Variants in STK32A observed in about 807,000 individuals in gnomAD.
STK32A encodes the protein serine/threonine-protein kinase 32A.
A neutral mutation model predicts 53.2 loss-of-function variants in STK32A; 41 were observed. The observed-to-expected ratio is 0.77, with a 90% confidence interval of 0.60 to 1.00. STK32A has a LOEUF of 1.00. Among genes scored for constraint, STK32A ranks in the 50% least tolerant of loss-of-function variants. The pLI is 0.00. For synonymous variants in STK32A, 166 were observed against 162.8 expected, an observed-to-expected ratio of 1.02 and a Z score of -0.15; for missense variants, 458 against 485.8, an observed-to-expected ratio of 0.94 and a Z score of 0.54.
intron 4 of STK32A, among the ~76,000 whole-genome samples, chr5:147,286,500 G>T (rs11167985): frequency 0.56 from 85,145 of 151,924 alleles, 24,155 homozygotes; most frequent in East Asian, 0.66. Context: ...GTTCTTATCA[G>T]TCCCAGTTTA....
At position 147,239,633 on chromosome 5, in the gene STK32A, C is replaced by T. The variant is rs750357099; in HGVS notation, c.-2C>T. The T allele has an allele frequency of 1.9e-6, 3 of 1,606,378 alleles. No homozygotes were observed. Among genetic ancestry groups the T allele is most frequent in the Non-Finnish European group, 2.6e-6 (3 of 1,176,032 alleles). Reference sequence around the variant, plus strand: ...AGGATCCAGGTCTGGGCAGATTCAACCATGGGAGCGAACACTTCAAGAAAA... The same window carrying T: ...AGGATCCAGGTCTGGGCAGATTCAATCATGGGAGCGAACACTTCAAGAAAA... On this transcript the variant is annotated 5_prime_UTR_variant, in exon 2 of 13. Transcript: ENST00000397936.
intron 4 of STK32A, among the ~76,000 whole-genome samples, chr5:147,314,602 G>C (rs1354039190): frequency 6.7e-6 from 1 of 148,674 alleles, no homozygotes; most frequent in African/African-American, 2.5e-5. Context: ...AATGGATAAA[G>C]AATCTGAGTA....
At chr5:147,338,848 A>G (rs1048108693) in intron 5 of STK32A, among the ~76,000 whole-genome samples, 2 of 152,256 alleles carry the variant, frequency 1.3e-5, no homozygotes, top group African/African-American at 4.8e-5. Context: ...ACAGCAAAGC[A>G]TTCAAGAGGT....
chr5:147,377,239 AT>A (rs1338710834), intron 11 of STK32A, among the ~76,000 whole-genome samples: 3 of 151,558 alleles, frequency 2.0e-5, no homozygotes, highest in African/African-American at 4.9e-5. Flanking sequence ...ATTTTTGTGA[AT>A]TTTCCAGTTT....
At chr5:147,366,841 A>T (rs1360826442) in intron 8 of STK32A, among the ~76,000 whole-genome samples, 1 of 150,202 alleles carries the variant, frequency 6.7e-6, no homozygotes, top group African/African-American at 2.4e-5. Flanking sequence ...GTGTTGTTTT[A>T]GCAAAAATAG....
At chr5:147,306,388 C>T (rs1397560225) in intron 4 of STK32A, among the ~76,000 whole-genome samples, 2 of 151,744 alleles carry the variant, frequency 1.3e-5, no homozygotes, top group African/African-American at 2.4e-5. Context: ...TTAGCACATA[C>T]CAAGTCAGGT....
chr5:147,236,191 C>T (rs1032407516), intron 1 of STK32A, among the ~76,000 whole-genome samples: 3 of 152,066 alleles, frequency 2.0e-5, no homozygotes, highest in Admixed American at 2.0e-4. Flanking sequence ...AAATTACAGG[C>T]CAAAGATGAA....
intron 4 of STK32A, among the ~76,000 whole-genome samples, chr5:147,280,972 CG>C (rs1004707545): frequency 2.0e-5 from 3 of 152,156 alleles, no homozygotes; most frequent in African/African-American, 7.2e-5. Flanking sequence ...TCTGTGCAGA[CG>C]ACTTCCAGTA....
At chr5:147,396,912 T>C in the STK32A span, among the ~76,000 whole-genome samples, 3 of 148,068 alleles carry the variant, frequency 2.0e-5, no homozygotes, top group African/African-American at 7.4e-5. Context: ...TATAATACAA[T>C]AAATACAATA....
At chr5:147,289,844 C>T (rs1752519228) in intron 4 of STK32A, among the ~76,000 whole-genome samples, 2 of 152,054 alleles carry the variant, frequency 1.3e-5, no homozygotes, top group South Asian at 2.1e-4. Context: ...TTTGATCATG[C>T]ATTAGCCTCA....
chr5:147,298,706 A>C (rs1752984606), intron 4 of STK32A, among the ~76,000 whole-genome samples: 1 of 152,246 alleles, frequency 6.6e-6, no homozygotes, highest in South Asian at 2.1e-4. Context: ...CTTCTTGGCC[A>C]AATTTTGTAT....
intron 5 of STK32A, among the ~76,000 whole-genome samples, chr5:147,331,117 G>A (rs1754849639): frequency 1.3e-5 from 2 of 152,202 alleles, no homozygotes; most frequent in African/African-American, 4.8e-5. Flanking sequence ...TGCCAACACA[G>A]TGACACCTCA....
intron 9 of STK32A, 77 bp from the exon 10 acceptor site, chr5:147,373,092 T>C (rs1009467607): frequency 6.3e-7 from 1 of 1,577,490 alleles, no homozygotes; most frequent in Non-Finnish European, 8.6e-7. Flanking sequence ...GTTGAAAGCA[T>C]TTAGAGGGAA....
intron 6 of STK32A, among the ~76,000 whole-genome samples, chr5:147,345,224 T>G (rs940954566): frequency 6.6e-6 from 1 of 152,108 alleles, no homozygotes; most frequent in Non-Finnish European, 1.5e-5. Context: ...AAAGAATACT[T>G]ACTTAGAAAA....
chr5:147,367,766 C>T (rs373970280), intron 8 of STK32A, among the ~76,000 whole-genome samples: 2 of 152,112 alleles, frequency 1.3e-5, no homozygotes, highest in East Asian at 3.9e-4. Flanking sequence ...GTGCAGGTCA[C>T]AGGGGATATG....
At chr5:147,395,845 T>A in the STK32A span, 12 of 1,162,560 alleles carry the variant, frequency 1.0e-5, no homozygotes, top group Non-Finnish European at 1.4e-5. Context: ...ATAATAAAGA[T>A]AATTTGAGGA....
At chr5:147,278,498 T>C (rs1333477811) in intron 3 of STK32A, among the ~76,000 whole-genome samples, 1 of 152,226 alleles carries the variant, frequency 6.6e-6, no homozygotes, top group African/African-American at 2.4e-5. Flanking sequence ...TTCTACCAGC[T>C]GTATGCCCAG....
At chr5:147,349,084 C>A (rs1421632538) in intron 6 of STK32A, among the ~76,000 whole-genome samples, 1 of 152,076 alleles carries the variant, frequency 6.6e-6, no homozygotes, top group Non-Finnish European at 1.5e-5. Context: ...ATGAGCAGGA[C>A]CCATGGGGAG....
chr5:147,321,824 A>G (rs1199484171), intron 4 of STK32A, among the ~76,000 whole-genome samples: 1 of 152,142 alleles, frequency 6.6e-6, no homozygotes, highest in Non-Finnish European at 1.5e-5. Flanking sequence ...CGGTCTGAGT[A>G]GGTGGTTTGC....
Sources: gnomAD v4.1 joint callset for allele counts (sites outside exome capture counted in the v4.1 genomes callset) on GRCh38, gnomAD v4.1.1 for gene constraint, MANE v1.5 for transcripts, NCBI Gene and HGNC (gene_info 2026-07-23, HGNC 2026-07-21) for gene names.